Variants in KCTD16 observed in about 807,000 individuals in gnomAD.
KCTD16 encodes BTB/POZ domain-containing protein KCTD16.
In KCTD16, 13 loss-of-function variants were observed where a neutral mutation model predicts 33.2. The observed-to-expected ratio is 0.39, with a 90% confidence interval of 0.25 to 0.62. The LOEUF is 0.62. Ranked by LOEUF, KCTD16 falls within the 20% of genes least tolerant of loss-of-function variation. The pLI is 0.50. For synonymous variants in KCTD16, 197 were observed against 195.3 expected, an observed-to-expected ratio of 1.01 and a Z score of -0.07; for missense variants, 441 against 525.1, an observed-to-expected ratio of 0.84 and a Z score of 1.57.
intron 2 of KCTD16, among the ~76,000 whole-genome samples, chr5:144,186,415 T>C (rs1752728584): frequency 6.7e-6 from 1 of 149,346 alleles, no homozygotes; most frequent in South Asian, 2.1e-4. Context: ...CCTAAGGGAA[T>C]TGGTTTAAAG....
At chr5:144,248,192 G>C (rs1173829092) in intron 3 of KCTD16, among the ~76,000 whole-genome samples, 1 of 152,192 alleles carries the variant, frequency 6.6e-6, no homozygotes, top group African/African-American at 2.4e-5. Flanking sequence ...AGGGAGAGTA[G>C]GGGGCAGTAG....
chr5:144,201,073 T>G (rs570531722), intron 2 of KCTD16, among the ~76,000 whole-genome samples: 1 of 152,152 alleles, frequency 6.6e-6, no homozygotes, highest in South Asian at 2.1e-4. Context: ...TTTCCCCCAT[T>G]GGTAGGATTT....
intron 3 of KCTD16, among the ~76,000 whole-genome samples, chr5:144,225,573 T>C (rs1471205877): frequency 6.6e-6 from 1 of 151,674 alleles, no homozygotes; most frequent in African/African-American, 2.4e-5. Context: ...TGTGTGTGTG[T>C]GTGTGTGTGT....
intron 3 of KCTD16, among the ~76,000 whole-genome samples, chr5:144,453,390 G>A (rs1012188256): frequency 2.0e-5 from 3 of 152,010 alleles, no homozygotes; most frequent in African/African-American, 7.2e-5. Context: ...GAAGAGAAGC[G>A]ATTTCAGCCT....
intron 3 of KCTD16, among the ~76,000 whole-genome samples, chr5:144,271,198 A>G (rs925675737): frequency 5.8e-4 from 89 of 152,218 alleles, no homozygotes; most frequent in African/African-American, 2.1e-3. Flanking sequence ...TACCAAAGTT[A>G]GACAAAAATA....
At chr5:144,235,354 T>C (rs1038496705) in intron 3 of KCTD16, among the ~76,000 whole-genome samples, 2 of 152,254 alleles carry the variant, frequency 1.3e-5, no homozygotes, top group Non-Finnish European at 2.9e-5. Flanking sequence ...CTCTATCTCC[T>C]GCTTAACCAG....
intron 2 of KCTD16, among the ~76,000 whole-genome samples, chr5:144,203,249 T>A (rs1753083087): frequency 6.6e-6 from 1 of 152,032 alleles, no homozygotes; most frequent in African/African-American, 2.4e-5. Context: ...TAATACTCTT[T>A]TTAAGAGTAT....
chr5:144,241,299 A>G (rs1678628895), intron 3 of KCTD16, among the ~76,000 whole-genome samples: 1 of 152,206 alleles, frequency 6.6e-6, no homozygotes, highest in African/African-American at 2.4e-5. Context: ...ATTGAAAAAT[A>G]ATGTTGAAAA....
At position 144,336,390 on chromosome 5, in the gene KCTD16, G is replaced by C. The variant is rs543525466; in HGVS notation, c.832+128844G>C. On this transcript the variant is annotated intron_variant, in intron 3 of 3. Coordinates refer to ENST00000512467, the MANE Select transcript of KCTD16 (RefSeq NM_020768.4). ...ACTGGAACGGGCTGTGCACAAATGA[G>C]GCAATTCGGAAGCCAGGAAGAGCAT... Among the ~76,000 whole-genome samples, 17 of 152,316 alleles carry C rather than the reference G, an allele frequency of 1.1e-4. No individual in the cohort carries two copies. The South Asian group carries it at 3.3e-3, about 30-fold the overall frequency.
intron 3 of KCTD16, among the ~76,000 whole-genome samples, chr5:144,368,012 T>C (rs1405992306): frequency 1.3e-5 from 2 of 151,990 alleles, no homozygotes; most frequent in African/African-American, 4.8e-5. Context: ...ACTCAGGAGC[T>C]ATTATAAAGA....
At chr5:144,189,737 GTTT>G (rs1561523472) in intron 2 of KCTD16, among the ~76,000 whole-genome samples, 3 of 152,050 alleles carry the variant, frequency 2.0e-5, no homozygotes, top group Admixed American at 2.0e-4. Flanking sequence ...TTTTCAGGTG[GTTT>G]GCCAGCATTT....
chr5:144,329,746 A>C (rs1752305285), intron 3 of KCTD16, among the ~76,000 whole-genome samples: 1 of 152,214 alleles, frequency 6.6e-6, no homozygotes, highest in Admixed American at 6.5e-5. Context: ...ACAGAAACAC[A>C]AGTAGTTGCC....
rs969202281 is a variant in KCTD16 at position 144,290,989 on chromosome 5, A to G, written c.832+83443A>G. 3.9e-5 allele frequency among the ~76,000 whole-genome samples: 6 copies of G among 152,256 alleles called. No individual in the cohort carries two copies. The East Asian group carries it at 1.2e-3, about 29-fold the overall frequency. ...TGGATTACAAAGATGTAACAGTGCA[A>G]GACGTTAAAATAATCCAGAAAAAGA... On this transcript the variant is annotated intron_variant, in intron 3 of 3. Transcript: ENST00000512467.
chr5:144,240,791 T>C (rs1754381608), intron 3 of KCTD16, among the ~76,000 whole-genome samples: 1 of 152,126 alleles, frequency 6.6e-6, no homozygotes, highest in Non-Finnish European at 1.5e-5. Context: ...TTTTCTGATG[T>C]CTTCTTAAGA....
chr5:144,179,460 C>T (rs1752573583), intron 2 of KCTD16, among the ~76,000 whole-genome samples: 1 of 152,206 alleles, frequency 6.6e-6, no homozygotes. Flanking sequence ...TCCCTGCATG[C>T]GTGCAGGCTC....
chr5:144,342,856 G>A (rs988354762), intron 3 of KCTD16, among the ~76,000 whole-genome samples: 32 of 152,028 alleles, frequency 2.1e-4, no homozygotes, highest in Non-Finnish European at 3.7e-4. Context: ...TTTGTCTTTG[G>A]TTCTCTTTAT....
intron 3 of KCTD16, among the ~76,000 whole-genome samples, chr5:144,235,862 C>T (rs1333146472): frequency 6.6e-6 from 1 of 152,106 alleles, no homozygotes; most frequent in Non-Finnish European, 1.5e-5. Flanking sequence ...ATAATTTACA[C>T]AACTTGAGAA....
intron 2 of KCTD16, among the ~76,000 whole-genome samples, chr5:144,175,404 C>T (rs1416539788): frequency 6.6e-6 from 1 of 152,152 alleles, no homozygotes; most frequent in African/African-American, 2.4e-5. Context: ...GATTAATATA[C>T]TAATTTATCT....
intron 3 of KCTD16, among the ~76,000 whole-genome samples, chr5:144,246,586 G>A (rs1044818136): frequency 1.3e-5 from 2 of 151,802 alleles, no homozygotes; most frequent in African/African-American, 4.8e-5. Flanking sequence ...CTGGATATAG[G>A]GTATTGTGTA....
Sources: gnomAD v4.1 joint callset for allele counts (sites outside exome capture counted in the v4.1 genomes callset) on GRCh38, gnomAD v4.1.1 for gene constraint, MANE v1.5 for transcripts, NCBI Gene and HGNC (gene_info 2026-07-23, HGNC 2026-07-21) for gene names.